Variants in HERC3 observed in about 807,000 individuals in gnomAD.
HERC3 encodes probable E3 ubiquitin-protein ligase HERC3.
Under a neutral mutation model 129.9 loss-of-function variants are expected in HERC3, and 58 were observed. That is an observed-to-expected ratio of 0.45 (90% CI 0.36 to 0.56). HERC3 has a LOEUF of 0.56. Ranked by LOEUF, HERC3 falls within the 20% of genes least tolerant of loss-of-function variation. The pLI is 0.00. For missense variants in HERC3, 835 were observed against 1,244.2 expected, an observed-to-expected ratio of 0.67 and a Z score of 4.95; for synonymous variants, 430 against 451.0, an observed-to-expected ratio of 0.95 and a Z score of 0.59.
At chr4:88,551,084 G>A in the HERC3 span, among the ~76,000 whole-genome samples, 5,510 of 149,308 alleles carry the variant, frequency 0.037, 135 homozygotes, top group Non-Finnish European at 0.058. Context: ...CTAGCCATAT[G>A]TAGAAAGCTG....
intron 21 of HERC3, among the ~76,000 whole-genome samples, chr4:88,686,471 A>G (rs186645249): frequency 6.6e-5 from 10 of 152,344 alleles, no homozygotes; most frequent in Admixed American, 5.9e-4. Flanking sequence ...ATGTCAGATT[A>G]AAAATCCATC....
intron 12 of HERC3, among the ~76,000 whole-genome samples, chr4:88,665,621 A>G (rs1322377987): frequency 6.6e-6 from 1 of 152,212 alleles, no homozygotes; most frequent in Non-Finnish European, 1.5e-5. Context: ...ATACCCAGAA[A>G]TAATACTTTA....
intron 3 of HERC3, among the ~76,000 whole-genome samples, chr4:88,617,614 G>A (rs1725054170): frequency 6.6e-6 from 1 of 152,216 alleles, no homozygotes; most frequent in African/African-American, 2.4e-5. Flanking sequence ...GCTCACGCCT[G>A]TAAGCCCAGC....
intron 19 of HERC3, among the ~76,000 whole-genome samples, 179 bp from the exon 20 acceptor site, chr4:88,679,914 C>G (rs1224644090): frequency 1.3e-5 from 2 of 152,152 alleles, no homozygotes; most frequent in African/African-American, 4.8e-5. Context: ...CTATAAGTAC[C>G]TTGCTAAAAC....
chr4:88,540,080 G>A, the HERC3 span, among the ~76,000 whole-genome samples: 1 of 152,212 alleles, frequency 6.6e-6, no homozygotes, highest in Non-Finnish European at 1.5e-5. Context: ...AAACTGGACA[G>A]AGAATGACTT....
At chr4:88,603,179 A>G (rs1326633440) in intron 2 of HERC3, among the ~76,000 whole-genome samples, 1 of 150,572 alleles carries the variant, frequency 6.6e-6, no homozygotes, top group Non-Finnish European at 1.5e-5. Context: ...ACTTGCAGCC[A>G]TATTACAGGC....
chr4:88,525,805 TC>T, the HERC3 span, among the ~76,000 whole-genome samples: 2 of 152,354 alleles, frequency 1.3e-5, no homozygotes, highest in African/African-American at 4.8e-5. Flanking sequence ...ACAATTCATT[TC>T]TGCCTGTAGT....
chr4:88,695,297 A>G (rs1185648063), intron 23 of HERC3, among the ~76,000 whole-genome samples: 1 of 152,172 alleles, frequency 6.6e-6, no homozygotes, highest in East Asian at 1.9e-4. Flanking sequence ...ATTCCCTAGG[A>G]TAAAGCAATA....
chr4:88,612,011 T>C (rs1724380452), intron 3 of HERC3, among the ~76,000 whole-genome samples: 1 of 152,216 alleles, frequency 6.6e-6, no homozygotes, highest in Non-Finnish European at 1.5e-5. Flanking sequence ...GCCTTGATTC[T>C]GTCCTGCTAG....
the HERC3 span, among the ~76,000 whole-genome samples, chr4:88,547,457 C>T: frequency 6.6e-6 from 1 of 152,142 alleles, no homozygotes; most frequent in Non-Finnish European, 1.5e-5. Flanking sequence ...CATTTTGGAA[C>T]ATTTTCATTA....
chr4:88,644,265 C>A (rs967857548), intron 3 of HERC3, among the ~76,000 whole-genome samples: 2 of 151,998 alleles, frequency 1.3e-5, no homozygotes, highest in Non-Finnish European at 2.9e-5. Flanking sequence ...TACCACATAA[C>A]CTAGCAATCT....
the HERC3 span, among the ~76,000 whole-genome samples, chr4:88,548,479 A>G: frequency 6.6e-6 from 1 of 151,588 alleles, no homozygotes. Context: ...TCATCTGTTT[A>G]TTGGCCATTT....
chr4:88,693,172 T>G, intron 23 of HERC3: 9 of 984,478 alleles, frequency 9.1e-6, no homozygotes, highest in Non-Finnish European at 1.1e-5. Context: ...TGTTTGTATG[T>G]TCTTTTTTAT....
At chr4:88,627,130 T>A (rs1438225325) in intron 3 of HERC3, among the ~76,000 whole-genome samples, 1 of 152,182 alleles carries the variant, frequency 6.6e-6, no homozygotes, top group Admixed American at 6.5e-5. Context: ...TAATAATTCC[T>A]GTATGATTTC....
At chr4:88,593,389 A>T (rs1253678250) in intron 1 of HERC3, 5 of 152,544 alleles carry the variant, frequency 3.3e-5, no homozygotes, top group South Asian at 2.1e-4. Flanking sequence ...CAGGGCAACC[A>T]GACCGAGAGG....
chr4:88,576,902 G>GT, the HERC3 span, among the ~76,000 whole-genome samples: 1 of 151,988 alleles, frequency 6.6e-6, no homozygotes, highest in East Asian at 1.9e-4. Context: ...TACTTCCTCA[G>GT]TTTTTTTCTG....
At chr4:88,662,603 A>G (rs1730607383) in intron 11 of HERC3, 48 bp downstream of exon 11, 4 of 1,572,432 alleles carry the variant, frequency 2.5e-6, no homozygotes, top group Non-Finnish European at 3.4e-6. Context: ...GTATGTTACA[A>G]CTTTTTAGCT....
the HERC3 span, among the ~76,000 whole-genome samples, chr4:88,569,108 G>T: frequency 1.3e-5 from 2 of 152,314 alleles, no homozygotes; most frequent in Admixed American, 6.5e-5. Context: ...ACTTTAGCCT[G>T]TGGTGGTGGG....
intron 3 of HERC3, among the ~76,000 whole-genome samples, chr4:88,607,205 G>C (rs1041846501): frequency 6.6e-6 from 1 of 151,842 alleles, no homozygotes; most frequent in African/African-American, 2.4e-5. Flanking sequence ...GTATGCATGT[G>C]CACTTGGGTG....
Sources: allele counts gnomAD v4.1 joint callset (sites outside exome capture counted in the v4.1 genomes callset), GRCh38; gene constraint gnomAD v4.1.1; transcripts MANE v1.5; gene names NCBI Gene and HGNC (gene_info 2026-07-23, HGNC 2026-07-21).